The following KCNMA1 variants were observed in gnomAD, a reference collection of about 807,000 sequenced individuals.
KCNMA1 encodes Calcium-activated potassium channel subunit alpha-1.
A neutral mutation model predicts 140.0 loss-of-function variants in KCNMA1; 29 were observed. That is an observed-to-expected ratio of 0.21 (90% confidence interval 0.15 to 0.28). The LOEUF is 0.28. Ranked by LOEUF, KCNMA1 falls within the 10% of genes least tolerant of loss-of-function variation. KCNMA1 has a pLI of 1.00. For missense variants in KCNMA1, 880 were observed against 1,602.2 expected, an observed-to-expected ratio of 0.55 and a Z score of 7.70; for synonymous variants, 612 against 611.9, an observed-to-expected ratio of 1.00 and a Z score of 0.00.
intron 20 of KCNMA1, among the ~76,000 whole-genome samples, chr10:76,959,939 G>T (rs185846533): frequency 6.6e-6 from 1 of 152,164 alleles, no homozygotes; most frequent in African/African-American, 2.4e-5. Flanking sequence ...TGCTCAGGTG[G>T]CACAGCCAGT....
At chr10:77,224,247 T>C (rs1389102772) in intron 3 of KCNMA1, among the ~76,000 whole-genome samples, 2 of 152,222 alleles carry the variant, frequency 1.3e-5, no homozygotes, top group Non-Finnish European at 2.9e-5. Flanking sequence ...CCTAGGCCCA[T>C]GGCCCATAGC....
At chr10:77,531,918 C>A (rs2057720895) in intron 1 of KCNMA1, among the ~76,000 whole-genome samples, 1 of 152,166 alleles carries the variant, frequency 6.6e-6, no homozygotes, top group Non-Finnish European at 1.5e-5. Context: ...GCCCCAGGCA[C>A]AGTACTTCTC....
intron 2 of KCNMA1, among the ~76,000 whole-genome samples, chr10:77,310,982 T>C (rs1408886341): frequency 6.6e-6 from 1 of 152,226 alleles, no homozygotes; most frequent in Non-Finnish European, 1.5e-5. Context: ...CAACTCTTCA[T>C]TGCAGATTTT....
chr10:76,975,781 A>T (rs2077311725), intron 19 of KCNMA1, among the ~76,000 whole-genome samples: 1 of 152,202 alleles, frequency 6.6e-6, no homozygotes, highest in South Asian at 2.1e-4. Context: ...CATAAAAATC[A>T]ACTATAAATC....
chr10:76,973,073 A>G (rs558998772), intron 19 of KCNMA1: 1 of 152,350 alleles, frequency 6.6e-6, no homozygotes, highest in African/African-American at 2.4e-5. Context: ...GTGTTGAAGT[A>G]GTGGGCCACT....
chr10:77,587,769 C>T (rs1326524182), intron 1 of KCNMA1: 3 of 985,240 alleles, frequency 3.0e-6, no homozygotes, highest in African/African-American at 1.7e-5. Flanking sequence ...TATTGATCAA[C>T]AAGCAAACAC....
chr10:77,587,353 G>C (rs564716722), intron 1 of KCNMA1, among the ~76,000 whole-genome samples: 1 of 152,240 alleles, frequency 6.6e-6, no homozygotes, highest in African/African-American at 2.4e-5. Context: ...AGGCGGAGAT[G>C]AAACATTTGC....
At chr10:77,490,733 C>T (rs563002386) in intron 1 of KCNMA1, among the ~76,000 whole-genome samples, 1 of 152,330 alleles carries the variant, frequency 6.6e-6, no homozygotes, top group East Asian at 1.9e-4. Context: ...AGTCTATTTA[C>T]ATACAGCTCT....
intron 2 of KCNMA1, among the ~76,000 whole-genome samples, chr10:77,308,664 A>G (rs2078455300): frequency 6.6e-6 from 1 of 152,246 alleles, no homozygotes; most frequent in Non-Finnish European, 1.5e-5. Context: ...CCAAAATGGC[A>G]GCATGAGGGA....
chr10:76,920,045 T>C (rs1379099507), intron 23 of KCNMA1, among the ~76,000 whole-genome samples: 2 of 119,670 alleles, frequency 1.7e-5, no homozygotes, highest in African/African-American at 7.4e-5. Context: ...TATATATATA[T>C]ATATATACAC....
chr10:77,451,290 A>G (rs2097652421), intron 1 of KCNMA1, among the ~76,000 whole-genome samples: 1 of 152,138 alleles, frequency 6.6e-6, no homozygotes, highest in Non-Finnish European at 1.5e-5. Context: ...ATCCTGAGCA[A>G]TACACTAGAC....
intron 14 of KCNMA1, among the ~76,000 whole-genome samples, chr10:77,053,348 A>T (rs2095437018): frequency 6.6e-6 from 1 of 152,214 alleles, no homozygotes; most frequent in South Asian, 2.1e-4. Context: ...ATAGTCAGCA[A>T]ATCTTCACTG....
chr10:77,561,296 A>G (rs1353563136), intron 1 of KCNMA1, among the ~76,000 whole-genome samples: 5 of 152,210 alleles, frequency 3.3e-5, no homozygotes, highest in African/African-American at 9.6e-5. Flanking sequence ...TGTATTAATG[A>G]CATACACAGA....
At chr10:76,972,333 C>T (rs2076312434) in intron 19 of KCNMA1, among the ~76,000 whole-genome samples, 2 of 152,292 alleles carry the variant, frequency 1.3e-5, no homozygotes, top group African/African-American at 4.8e-5. Flanking sequence ...CCAGATGCTA[C>T]CATGGTTGTG....
chr10:77,637,641 ATAGC>A lies in KCNMA1; in HGVS notation c.-3_1del. ...GCCGCCGCCGCCGCCACCATTTGCCATAGCTAGCAACGGGCAGCCGGCGCAGGGG... is the reference window on the plus strand; with the variant it reads ...GCCGCCGCCGCCGCCACCATTTGCCATAGCAACGGGCAGCCGGCGCAGGGG... On this transcript the variant is annotated start_lost and start_retained_variant and 5_prime_UTR_variant, in exon 1 of 28. Coordinates refer to ENST00000286628, the MANE Select transcript of KCNMA1 (RefSeq NM_001161352.2). 6.6e-7 allele frequency: 1 copy of A among 1,510,998 alleles called. No individual in the cohort carries two copies. The highest frequency in any genetic ancestry group is 8.8e-7 in the Non-Finnish European group (1 of 1,136,176). 93.6% of individuals were successfully genotyped at this position (1,510,998 alleles called of 1,614,324 possible). A position where few individuals can be genotyped will look rare whatever the true frequency, so the allele number is the denominator to read the frequency against.
intron 1 of KCNMA1, among the ~76,000 whole-genome samples, chr10:77,427,716 C>CTTATTT (rs1566785142): frequency 1.1e-4 from 7 of 61,396 alleles, no homozygotes; most frequent in African/African-American, 3.2e-4. Flanking sequence ...AGCATCCATC[C>CTTATTT]ATTCATTTAT....
chr10:77,352,860 T>A (rs2093059299), intron 2 of KCNMA1, among the ~76,000 whole-genome samples: 1 of 152,154 alleles, frequency 6.6e-6, no homozygotes, highest in African/African-American at 2.4e-5. Context: ...GCAACAAAAG[T>A]ACAGACACAT....
intron 2 of KCNMA1, among the ~76,000 whole-genome samples, chr10:77,326,602 CTTT>C (rs1376051978): frequency 6.6e-6 from 1 of 152,108 alleles, no homozygotes; most frequent in African/African-American, 2.4e-5. Context: ...TCAATTCCTT[CTTT>C]GAGGGAAAGG....
intron 2 of KCNMA1, among the ~76,000 whole-genome samples, chr10:77,290,381 C>T (rs1189478947): frequency 2.6e-5 from 4 of 152,156 alleles, no homozygotes; most frequent in African/African-American, 7.2e-5. Context: ...ATAGAAGTAG[C>T]GGTGCTTGCA....
Sources: allele counts gnomAD v4.1 joint callset (sites outside exome capture counted in the v4.1 genomes callset), GRCh38; gene constraint gnomAD v4.1.1; transcripts MANE v1.5; gene names NCBI Gene and HGNC (gene_info 2026-07-23, HGNC 2026-07-21).